ASB7: variants seen among roughly 807,000 people sequenced by gnomAD.
ASB7 encodes ankyrin repeat and SOCS box containing 7.
ASB7 carries 4 observed loss-of-function variants against 32.5 expected under a neutral mutation model. The ratio of observed to expected loss-of-function variants is 0.12; its 90% CI spans 0.06 to 0.28. The LOEUF is 0.28. Among genes scored for constraint, ASB7 ranks in the 10% least tolerant of loss-of-function variants. The probability of loss-of-function intolerance (pLI) is 1.00; values close to 1 mark genes in which losing one functional copy is unlikely to be tolerated. For missense variants in ASB7, 181 were observed against 407.1 expected, an observed-to-expected ratio of 0.44 and a Z score of 4.78; for synonymous variants, 172 against 155.6, an observed-to-expected ratio of 1.11 and a Z score of -0.78.
rs1271910990 is a variant in ASB7, at chr15:100,650,964, C to G, written c.*2502C>G. The G allele has an allele frequency of 6.6e-6, 1 of 152,150 alleles. No individual in the cohort carries two copies. Among genetic ancestry groups the G allele is most frequent in the Non-Finnish European group, 1.5e-5 (1 of 68,016 alleles). The allele number at this position is 152,150 out of a possible 1,614,324, so 9.4% of individuals were successfully genotyped here. A position where few individuals can be genotyped will look rare whatever the true frequency, so the allele number is the denominator to read the frequency against. ...ATGGTCACATAATGAATAGGGAGAA[C>G]AGATATTTTCAGAAAAATCAACCGA... On this transcript the variant is annotated 3_prime_UTR_variant, in exon 6 of 6. Transcript: ENST00000332783.
At chr15:100,612,470 T>C (rs2141389173) in intron 4 of ASB7, 43 bp downstream of exon 4, 1 of 1,519,014 alleles carries the variant, frequency 6.6e-7, no homozygotes, top group East Asian at 2.3e-5. Context: ...TGGAGAAACA[T>C]AAATGATGTT....
intron 4 of ASB7, among the ~76,000 whole-genome samples, chr15:100,616,356 T>C (rs926665255): frequency 7.2e-5 from 11 of 152,186 alleles, no homozygotes; most frequent in Non-Finnish European, 1.5e-4. Context: ...TACATTTCAA[T>C]GTAGGTGAAT....
At chr15:100,638,031 A>C (rs994274705) in intron 5 of ASB7, among the ~76,000 whole-genome samples, 1 of 151,896 alleles carries the variant, frequency 6.6e-6, no homozygotes, top group Non-Finnish European at 1.5e-5. Context: ...TGGATAGTTT[A>C]AAAATTTCTC....
intron 4 of ASB7, among the ~76,000 whole-genome samples, chr15:100,616,841 G>T (rs1214653437): frequency 1.3e-5 from 2 of 152,206 alleles, no homozygotes; most frequent in African/African-American, 4.8e-5. Context: ...GGCATGCTCT[G>T]TATTTAGTGT....
chr15:100,644,830 G>C (rs2039986820), intron 5 of ASB7, among the ~76,000 whole-genome samples: 1 of 33,010 alleles, frequency 3.0e-5, no homozygotes, highest in Non-Finnish European at 7.4e-5. Flanking sequence ...GCACATGAGT[G>C]TGTGTGTGTC....
Position 100,646,116 on chromosome 15 carries a change from T to G in ASB7, c.818-2207T>G, listed in dbSNP as rs181359470. On this transcript the variant is annotated intron_variant, in intron 5 of 5. Transcript: ENST00000332783. ...TGGAATCTACACTTGGGCAGCAGCA[T>G]AGGGTTTTCACTTTGTTTCTCTGGA... is the stretch of plus-strand genomic sequence containing the variant. 30 of 399,992 alleles carry G rather than the reference T, an allele frequency of 7.5e-5. No individual in the cohort carries two copies. The Middle Eastern group carries it at 2.6e-3, about 35-fold the overall frequency. 24.8% of individuals were successfully genotyped at this position (399,992 alleles called of 1,614,324 possible). A position where few individuals can be genotyped will look rare whatever the true frequency, so the allele number is the denominator to read the frequency against.
intron 4 of ASB7, among the ~76,000 whole-genome samples, chr15:100,628,288 A>T (rs969715605): frequency 2.6e-5 from 4 of 152,252 alleles, no homozygotes; most frequent in Non-Finnish European, 4.4e-5. Context: ...TTTCTGCCTC[A>T]GATTTTTCTA....
At chr15:100,632,849 T>C (rs1334115927) in intron 5 of ASB7, among the ~76,000 whole-genome samples, 2 of 108,368 alleles carry the variant, frequency 1.8e-5, no homozygotes, top group Non-Finnish European at 3.7e-5. Flanking sequence ...CTCTGATCTA[T>C]ATAGTGCAAA....
chr15:100,605,244 A>G (rs1047145169), intron 2 of ASB7, among the ~76,000 whole-genome samples: 1 of 152,372 alleles, frequency 6.6e-6, no homozygotes, highest in South Asian at 2.1e-4. Context: ...CCAGGCATTT[A>G]GAATATTTAA....
At chr15:100,624,366 C>A (rs1048727830) in intron 4 of ASB7, among the ~76,000 whole-genome samples, 40 of 152,114 alleles carry the variant, frequency 2.6e-4, no homozygotes, top group Non-Finnish European at 5.0e-4. Context: ...ACGCAGATAC[C>A]CTGACTTGAT....
chr15:100,607,355 C>T (rs1433127224), intron 2 of ASB7, among the ~76,000 whole-genome samples: 1 of 152,120 alleles, frequency 6.6e-6, no homozygotes, highest in East Asian at 1.9e-4. Context: ...ATAGTCTTTT[C>T]TTCATTTATA....
At position 100,651,234 on chromosome 15, in the gene ASB7, T is replaced by C. The variant is rs1481354446; in HGVS notation, c.*2772T>C. On this transcript the variant is annotated 3_prime_UTR_variant, in exon 6 of 6. Coordinates refer to ENST00000332783, the MANE Select transcript of ASB7 (RefSeq NM_198243.3). ...TTGTAAATATTTGTGTTTATAAATG[T>C]ACAGCAGAGTAAGAGTGTTTTTTAG... 6.6e-6 allele frequency: 1 copy of C among 152,074 alleles called. No homozygotes were observed. Among genetic ancestry groups the C allele is most frequent in the African/African-American group, 2.4e-5 (1 of 41,408 alleles). The allele number at this position is 152,074 out of a possible 1,614,324, so 9.4% of individuals were successfully genotyped here. A position where few individuals can be genotyped will look rare whatever the true frequency, so the allele number is the denominator to read the frequency against.
chr15:100,648,630 G>A lies in ASB7; in HGVS notation c.*168G>A. The A allele has an allele frequency of 2.0e-6, 1 of 505,016 alleles. No homozygotes were observed. The highest frequency in any genetic ancestry group is 3.4e-6 in the Non-Finnish European group (1 of 294,694). The allele number at this position is 505,016 out of a possible 1,614,324, so 31.3% of individuals were successfully genotyped here. On this transcript the variant is annotated 3_prime_UTR_variant, in exon 6 of 6. Coordinates refer to ENST00000332783, the MANE Select transcript of ASB7 (RefSeq NM_198243.3). ...TTGGTTGGTTTTCATTGTAGGGGAG[G>A]GATTTTTTATATATATATAAAAACA...
Position 100,650,990 on chromosome 15 carries a change from T to C in ASB7, c.*2528T>C, listed in dbSNP as rs1249523269. The C allele has an allele frequency of 6.6e-6, 1 of 152,330 alleles. No homozygotes were observed. The highest frequency in any genetic ancestry group is 2.4e-5 in the African/African-American group (1 of 41,584). The allele number at this position is 152,330 out of a possible 1,614,324, so 9.4% of individuals were successfully genotyped here. A position where few individuals can be genotyped will look rare whatever the true frequency, so the allele number is the denominator to read the frequency against. ...AGATATTTTCAGAAAAATCAACCGA[T>C]TGTTTTTTCCAGAAACAGAACAGAA... On this transcript the variant is annotated 3_prime_UTR_variant, in exon 6 of 6. Coordinates refer to ENST00000332783, the MANE Select transcript of ASB7 (RefSeq NM_198243.3).
At chr15:100,633,645 AGAAGGAAGGAGGAAG>A (rs369779827) in intron 5 of ASB7, among the ~76,000 whole-genome samples, 1,948 of 149,082 alleles carry the variant, frequency 0.013, 16 homozygotes, top group Middle Eastern at 0.024. Flanking sequence ...AAGGAAAGGA[AGAAGGAAGGAGGAAG>A]GAAGGAAGGA....
chr15:100,642,502 A>C (rs1432701500), intron 5 of ASB7, among the ~76,000 whole-genome samples: 3 of 152,162 alleles, frequency 2.0e-5, no homozygotes, highest in Admixed American at 6.5e-5. Context: ...ACTTTTTCAT[A>C]CAGCCCCAAC....
intron 5 of ASB7, among the ~76,000 whole-genome samples, chr15:100,639,518 C>T (rs752482783): frequency 4.6e-5 from 7 of 152,110 alleles, no homozygotes; most frequent in Non-Finnish European, 5.9e-5. Flanking sequence ...AGCAGCTGTT[C>T]GCACAAAATG....
chr15:100,619,998 G>T (rs1487025347), intron 4 of ASB7, among the ~76,000 whole-genome samples: 4 of 152,280 alleles, frequency 2.6e-5, no homozygotes, highest in Non-Finnish European at 4.4e-5. Flanking sequence ...TAATTAAAAA[G>T]TTCAGTTCCT....
intron 5 of ASB7, among the ~76,000 whole-genome samples, chr15:100,635,306 T>A: frequency 6.6e-6 from 1 of 152,360 alleles, no homozygotes; most frequent in East Asian, 1.9e-4. Context: ...CCCCGGCTGG[T>A]AATTCCAACA....
Sources: gnomAD v4.1 joint callset for allele counts (sites outside exome capture counted in the v4.1 genomes callset) on GRCh38, gnomAD v4.1.1 for gene constraint, MANE v1.5 for transcripts, NCBI Gene and HGNC (gene_info 2026-07-23, HGNC 2026-07-21) for gene names.